EPB41L4B: variants seen among roughly 807,000 people sequenced by gnomAD.
The protein encoded by EPB41L4B is band 4.1-like protein 4B.
Under a neutral mutation model 112.5 loss-of-function variants are expected in EPB41L4B, and 30 were observed. That is an observed-to-expected ratio of 0.27 (90% confidence interval 0.20 to 0.36). The LOEUF (loss-of-function observed/expected upper bound fraction) is 0.36. Ranked by LOEUF, EPB41L4B falls within the 10% of genes least tolerant of loss-of-function variation. The pLI is 1.00. For missense variants in EPB41L4B, 1,024 were observed against 1,133.3 expected (o/e 0.90, Z 1.38); for synonymous variants, 408 against 439.7 (o/e 0.93, Z 0.90).
intron 4 of EPB41L4B, among the ~76,000 whole-genome samples, chr9:109,266,473 C>CTATA (rs1835404280): frequency 6.6e-6 from 1 of 152,146 alleles, no homozygotes; most frequent in Admixed American, 6.5e-5. Context: ...CCTACATAGC[C>CTATA]TATATGTCAC....
chr9:109,288,458 C>T (rs1363572747), intron 1 of EPB41L4B, among the ~76,000 whole-genome samples: 3 of 152,036 alleles, frequency 2.0e-5, no homozygotes, highest in Admixed American at 1.3e-4. Flanking sequence ...CAGTGGCTCA[C>T]GTCTGTAATC....
chr9:109,256,067 C>T, intron 9 of EPB41L4B, 69 bp downstream of exon 9: 2 of 1,390,826 alleles, frequency 1.4e-6, no homozygotes, highest in Non-Finnish European at 2.0e-6. Context: ...CCTCAATAAT[C>T]ATCCATCACA....
chr9:109,243,605 C>T lies in EPB41L4B; in HGVS notation c.1409+13G>A. 6.2e-7 allele frequency: 1 copy of T among 1,613,770 alleles called. No homozygotes were observed. Reference sequence around the variant, plus strand: ...GCTTTCGAAGGTGCAGCTCTGGAAGCACCAGCACTTACCTGACATTTGGAG... The same window carrying T: ...GCTTTCGAAGGTGCAGCTCTGGAAGTACCAGCACTTACCTGACATTTGGAG... On this transcript the variant is annotated intron_variant, in intron 15 of 25. Transcript: ENST00000374566.
chr9:109,174,934 T>TTGG (rs1831762112), intron 25 of EPB41L4B, among the ~76,000 whole-genome samples: 1 of 106,846 alleles, frequency 9.4e-6, no homozygotes, highest in Non-Finnish European at 2.0e-5. Context: ...TTTTTTTTTT[T>TTGG]GAGATGGAGT....
rs539941517 is a variant in EPB41L4B, at chr9:109,299,642, G to T, written c.307-19721C>A. Among the ~76,000 whole-genome samples the T allele has an allele frequency of 2.0e-5, 3 of 152,226 alleles. No homozygotes were observed. In the South Asian group the frequency reaches 6.2e-4, roughly 32 times the overall value. On this transcript the variant is annotated intron_variant, in intron 1 of 25. Transcript: ENST00000374566. Reference sequence around the variant, plus strand: ...TCACATACCTAGACAAAAGTGCACAGATCATACATGTACAACTCAAAGAAT... The same window carrying T: ...TCACATACCTAGACAAAAGTGCACATATCATACATGTACAACTCAAAGAAT...
chr9:109,230,808 T>C (rs566639851), intron 15 of EPB41L4B, among the ~76,000 whole-genome samples: 81 of 152,308 alleles, frequency 5.3e-4, no homozygotes, highest in African/African-American at 1.9e-3. Context: ...AGTGGTCTTA[T>C]ATCTAAAAAA....
intron 22 of EPB41L4B, among the ~76,000 whole-genome samples, chr9:109,187,624 C>T (rs1041446627): frequency 6.6e-6 from 1 of 152,196 alleles, no homozygotes; most frequent in Admixed American, 6.5e-5. Context: ...GGCATCCATA[C>T]TCCAACCAGA....
rs1831704894 is a variant in EPB41L4B at position 109,173,596 on chromosome 9, A to G, written c.*958T>C. ...GACAAGTGTTAGGCCGAGAAGTAAAACAAAGGAGAATGTACACAACGATCA... is the reference window on the plus strand; with the variant it reads ...GACAAGTGTTAGGCCGAGAAGTAAAGCAAAGGAGAATGTACACAACGATCA... On this transcript the variant is annotated 3_prime_UTR_variant, in exon 26 of 26. Coordinates refer to ENST00000374566, the MANE Select transcript of EPB41L4B (RefSeq NM_019114.5). 1 of 152,660 alleles carries G rather than the reference A, an allele frequency of 6.6e-6. No individual in the cohort carries two copies. Among genetic ancestry groups the G allele is most frequent in the African/African-American group, 2.4e-5 (1 of 41,460 alleles). 9.5% of individuals were successfully genotyped at this position (152,660 alleles called of 1,614,324 possible).
chr9:109,239,827 G>A, intron 15 of EPB41L4B: 6 of 985,462 alleles, frequency 6.1e-6, no homozygotes, highest in Non-Finnish European at 7.2e-6. Flanking sequence ...GCCAGGAAGA[G>A]CACAAGTAGC....
chr9:109,217,594 CAGGGTCT>C (rs1833421765), intron 15 of EPB41L4B, among the ~76,000 whole-genome samples: 1 of 152,150 alleles, frequency 6.6e-6, no homozygotes, highest in Non-Finnish European at 1.5e-5. Context: ...TTTCTTGAGA[CAGGGTCT>C]TGCTGTGTTG....
At chr9:109,185,122 CAGA>C (rs1832207723) in intron 23 of EPB41L4B, among the ~76,000 whole-genome samples, 1 of 152,168 alleles carries the variant, frequency 6.6e-6, no homozygotes. Flanking sequence ...TGATAAATAG[CAGA>C]AGAAGACAAG....
Position 109,172,571 on chromosome 9 carries a change from T to A in EPB41L4B, c.*1983A>T, listed in dbSNP as rs1193796337. The A allele has an allele frequency of 6.6e-6, 1 of 152,078 alleles. No homozygotes were observed. The highest frequency in any genetic ancestry group is 1.9e-4 in the East Asian group (1 of 5,194). The allele number at this position is 152,078 out of a possible 1,614,324, so 9.4% of individuals were successfully genotyped here. A position where few individuals can be genotyped will look rare whatever the true frequency, so the allele number is the denominator to read the frequency against. The stretch of plus-strand genomic sequence containing the variant: ...AAAAGGCCAAGCCAAGCCCTACACA[T>A]ATTGATAGCTCTTAATGATATCACT... On this transcript the variant is annotated 3_prime_UTR_variant, in exon 26 of 26. Coordinates refer to ENST00000374566, the MANE Select transcript of EPB41L4B (RefSeq NM_019114.5).
chr9:109,209,646 CAA>C (rs34135848), intron 17 of EPB41L4B, among the ~76,000 whole-genome samples: 16 of 134,584 alleles, frequency 1.2e-4, no homozygotes, highest in African/African-American at 1.4e-4. Context: ...AACCCTGTCT[CAA>C]AAAAAAAAAA....
intron 1 of EPB41L4B, chr9:109,307,247 G>A (rs372158665): frequency 1.0e-4 from 49 of 491,822 alleles, no homozygotes; most frequent in Non-Finnish European, 1.1e-4. Flanking sequence ...TTCCAGGAGC[G>A]TCTTTAATTA....
intron 15 of EPB41L4B, among the ~76,000 whole-genome samples, chr9:109,236,415 A>AT (rs1834144578): frequency 6.6e-6 from 1 of 151,614 alleles, no homozygotes; most frequent in African/African-American, 2.4e-5. Context: ...CATTATGCCT[A>AT]TTTAAAAAAA....
chr9:109,294,006 A>G (rs1836637378), intron 1 of EPB41L4B, among the ~76,000 whole-genome samples: 1 of 152,180 alleles, frequency 6.6e-6, no homozygotes, highest in Non-Finnish European at 1.5e-5. Flanking sequence ...GTATCAGGTG[A>G]CATTAAGAAA....
intron 1 of EPB41L4B, among the ~76,000 whole-genome samples, chr9:109,283,494 G>A (rs1009216739): frequency 2.0e-5 from 3 of 152,202 alleles, no homozygotes; most frequent in South Asian, 2.1e-4. Context: ...GGGATGAGAC[G>A]GCCTCATCTC....
intron 1 of EPB41L4B, among the ~76,000 whole-genome samples, chr9:109,297,961 A>G (rs1171844986): frequency 6.6e-6 from 1 of 152,198 alleles, no homozygotes; most frequent in Admixed American, 6.5e-5. Context: ...AACTATAACT[A>G]AGGCATCACT....
At chr9:109,244,236 C>A (rs1013583883) in intron 14 of EPB41L4B, among the ~76,000 whole-genome samples, 7 of 151,744 alleles carry the variant, frequency 4.6e-5, no homozygotes, top group African/African-American at 1.7e-4. Context: ...AAAATGCAAT[C>A]CAAAACAAAA....
Sources: allele counts gnomAD v4.1 joint callset (sites outside exome capture counted in the v4.1 genomes callset), GRCh38; gene constraint gnomAD v4.1.1; transcripts MANE v1.5; gene names NCBI Gene and HGNC (gene_info 2026-07-23, HGNC 2026-07-21).